GRK5: variants seen among roughly 807,000 people sequenced by gnomAD.
GRK5 encodes the protein g protein-coupled receptor kinase GRK5.
In GRK5, 40 loss-of-function variants were observed where a neutral mutation model predicts 78.4. The observed-to-expected ratio is 0.51, with a 90% confidence interval of 0.40 to 0.66. The LOEUF (loss-of-function observed/expected upper bound fraction) is 0.66. GRK5 is among the 30% of genes least tolerant of loss of function. The pLI, the probability that GRK5 is intolerant of heterozygous loss-of-function variation, is 0.00. For synonymous variants in GRK5, 289 were observed against 296.8 expected, an observed-to-expected ratio of 0.97 and a Z score of 0.27; for missense variants, 598 against 759.9, an observed-to-expected ratio of 0.79 and a Z score of 2.50.
At chr10:119,393,619 G>A (rs1385590299) in intron 3 of GRK5, among the ~76,000 whole-genome samples, 2 of 152,236 alleles carry the variant, frequency 1.3e-5, no homozygotes, top group Non-Finnish European at 1.5e-5. Flanking sequence ...ACGGCGGGCT[G>A]TCCAGGGGCA....
rs565588110 is a variant in GRK5, at chr10:119,240,531, C to T, written c.52+32562C>T. Among the ~76,000 whole-genome samples the T allele has an allele frequency of 2.9e-4, 44 of 152,054 alleles. 2 individuals are homozygous for T. Among genetic ancestry groups the T allele is most frequent in the Non-Finnish European group, 2.9e-4 (20 of 68,008 alleles). On this transcript the variant is annotated intron_variant, in intron 1 of 15. Transcript: ENST00000392870. The stretch of plus-strand genomic sequence containing the variant: ...AACTTTTTAATGATCACCATTCTAA[C>T]TGGCATGAGATGGCATCTATTGTGT...
At chr10:119,419,405 C>A (rs769324342) in intron 4 of GRK5, among the ~76,000 whole-genome samples, 1 of 152,216 alleles carries the variant, frequency 6.6e-6, no homozygotes, top group Non-Finnish European at 1.5e-5. Context: ...TACAACTACT[C>A]GCTTCTTACC....
At chr10:119,220,428 C>T (rs532333673) in intron 1 of GRK5, among the ~76,000 whole-genome samples, 3 of 152,140 alleles carry the variant, frequency 2.0e-5, no homozygotes, top group Admixed American at 2.0e-4. Flanking sequence ...CCATGGGTTA[C>T]GGAGGTGAGG....
At chr10:119,273,643 T>A (rs1849621615) in intron 1 of GRK5, among the ~76,000 whole-genome samples, 1 of 152,156 alleles carries the variant, frequency 6.6e-6, no homozygotes, top group Admixed American at 6.5e-5. Context: ...TCCCCATGGG[T>A]CACCTACTTT....
At chr10:119,450,133 CAT>C (rs1373193009) in intron 13 of GRK5, among the ~76,000 whole-genome samples, 1 of 152,154 alleles carries the variant, frequency 6.6e-6, no homozygotes, top group Non-Finnish European at 1.5e-5. Flanking sequence ...CAGGAAACCA[CAT>C]AGTGTTGAGT....
intron 1 of GRK5, among the ~76,000 whole-genome samples, chr10:119,320,928 T>C (rs1233424668): frequency 3.3e-5 from 5 of 152,220 alleles, no homozygotes; most frequent in African/African-American, 1.2e-4. Context: ...TAGGGCCAGG[T>C]CACAGGAGGA....
intron 1 of GRK5, among the ~76,000 whole-genome samples, chr10:119,305,749 T>C (rs188029164): frequency 6.6e-6 from 1 of 152,300 alleles, no homozygotes; most frequent in East Asian, 1.9e-4. Context: ...AACCTACGTG[T>C]CTCTCAACAG....
At chr10:119,448,486 T>C (rs1291067252) in intron 13 of GRK5, among the ~76,000 whole-genome samples, 1 of 152,236 alleles carries the variant, frequency 6.6e-6, no homozygotes, top group Non-Finnish European at 1.5e-5. Flanking sequence ...TCCAGAGACT[T>C]GGGCACTTTC....
At chr10:119,344,108 C>CT (rs1465855467) in intron 2 of GRK5, among the ~76,000 whole-genome samples, 1 of 150,928 alleles carries the variant, frequency 6.6e-6, no homozygotes, top group African/African-American at 2.4e-5. Context: ...GTAACAGATC[C>CT]TTTTTTATTT....
At chr10:119,252,864 G>A (rs1207769172) in intron 1 of GRK5, among the ~76,000 whole-genome samples, 2 of 151,994 alleles carry the variant, frequency 1.3e-5, no homozygotes, top group Non-Finnish European at 2.9e-5. Flanking sequence ...ATGAGGCCAT[G>A]GTTGAAACTT....
At chr10:119,208,666 C>A (rs1276887120) in intron 1 of GRK5, 1 of 152,066 alleles carries the variant, frequency 6.6e-6, no homozygotes, top group East Asian at 1.9e-4. Context: ...TGTGCTGGTG[C>A]TTTAGATACG....
chr10:119,404,142 A>T (rs1218177476), intron 4 of GRK5, among the ~76,000 whole-genome samples: 1 of 152,188 alleles, frequency 6.6e-6, no homozygotes, highest in African/African-American at 2.4e-5. Context: ...TCCCACCAGC[A>T]GGGTTCCAGT....
At chr10:119,438,775 G>A (rs1306945788) in intron 9 of GRK5, among the ~76,000 whole-genome samples, 1 of 152,192 alleles carries the variant, frequency 6.6e-6, no homozygotes, top group Admixed American at 6.5e-5. Flanking sequence ...TGAGATGATG[G>A]CTGCTGCCCT....
At chr10:119,387,393 C>T (rs187436728) in intron 3 of GRK5, among the ~76,000 whole-genome samples, 1 of 152,288 alleles carries the variant, frequency 6.6e-6, no homozygotes, top group Admixed American at 6.5e-5. Flanking sequence ...TTCTGGGCAG[C>T]AGAACTGTTT....
At chr10:119,241,840 T>C (rs976873141) in intron 1 of GRK5, among the ~76,000 whole-genome samples, 1 of 152,170 alleles carries the variant, frequency 6.6e-6, no homozygotes, top group African/African-American at 2.4e-5. Flanking sequence ...TTAATTGGAT[T>C]CTTAGGCACT....
At chr10:119,328,710 T>G (rs1850719465) in intron 2 of GRK5, among the ~76,000 whole-genome samples, 1 of 152,156 alleles carries the variant, frequency 6.6e-6, no homozygotes, top group Non-Finnish European at 1.5e-5. Flanking sequence ...GGTGAGAGCT[T>G]ACAACAGGAG....
intron 4 of GRK5, among the ~76,000 whole-genome samples, chr10:119,403,709 C>A (rs1852188591): frequency 6.6e-6 from 1 of 152,144 alleles, no homozygotes; most frequent in South Asian, 2.1e-4. Flanking sequence ...TCTCGGCTCA[C>A]TGTAACCTCC....
At chr10:119,374,163 G>A (rs1024596144) in intron 2 of GRK5, among the ~76,000 whole-genome samples, 2 of 152,232 alleles carry the variant, frequency 1.3e-5, no homozygotes, top group Non-Finnish European at 2.9e-5. Flanking sequence ...CATTTGTGAA[G>A]CTGGCATGCC....
chr10:119,319,620 C>A (rs997328537), intron 1 of GRK5, among the ~76,000 whole-genome samples: 1 of 152,208 alleles, frequency 6.6e-6, no homozygotes. Flanking sequence ...ATTACGGGTA[C>A]CTGGAAGGTA....
Sources: gnomAD v4.1 joint callset for allele counts (sites outside exome capture counted in the v4.1 genomes callset) on GRCh38, gnomAD v4.1.1 for gene constraint, MANE v1.5 for transcripts, NCBI Gene and HGNC (gene_info 2026-07-23, HGNC 2026-07-21) for gene names.